ABCB8: variants seen among roughly 807,000 people sequenced by gnomAD.
ABCB8 encodes the protein mitochondrial potassium channel ATP-binding subunit.
Under a neutral mutation model 73.0 loss-of-function variants are expected in ABCB8, and 52 were observed. That is an observed-to-expected ratio of 0.71 (90% confidence interval 0.57 to 0.90). The LOEUF (loss-of-function observed/expected upper bound fraction) is 0.90, where lower values mean the gene tolerates loss of function less well. Among genes scored for constraint, ABCB8 ranks in the 40% least tolerant of loss-of-function variants. The pLI is 0.00. For synonymous variants in ABCB8, 428 were observed against 423.5 expected (o/e 1.01, Z -0.13); for missense variants, 909 against 974.6 (o/e 0.93, Z 0.90).
intron 1 of ABCB8, among the ~76,000 whole-genome samples, chr7:151,031,954 C>A (rs1796176363): frequency 6.6e-6 from 1 of 152,214 alleles, no homozygotes; most frequent in African/African-American, 2.4e-5. Flanking sequence ...CTTGGCACAT[C>A]TCGGCCTAAA....
At chr7:151,044,853 A>C (rs1160224767) in intron 15 of ABCB8, among the ~76,000 whole-genome samples, 1 of 152,220 alleles carries the variant, frequency 6.6e-6, no homozygotes, top group Non-Finnish European at 1.5e-5. Flanking sequence ...CTGTGCAGGG[A>C]GTCAGGAGTA....
At chr7:151,036,802 G>A (rs1796322560) in intron 9 of ABCB8, 153 bp downstream of exon 9, 3 of 782,270 alleles carry the variant, frequency 3.8e-6, no homozygotes, top group East Asian at 5.0e-5. Flanking sequence ...AGGGTGGGGA[G>A]AGAGAGCCCC....
chr7:151,037,209 C>T (rs1479506104), intron 9 of ABCB8: 1 of 702,930 alleles, frequency 1.4e-6, no homozygotes, highest in African/African-American at 1.7e-5. Flanking sequence ...CCTTTTGTGA[C>T]TGCGTTTTGT....
chr7:151,036,003 GCCC>G (rs980423131), intron 7 of ABCB8, 36 bp downstream of exon 7: 12 of 1,612,804 alleles, frequency 7.4e-6, no homozygotes, highest in Non-Finnish European at 1.0e-5. Flanking sequence ...AAGCAGAGAT[GCCC>G]CCCACACCCT....
chr7:151,036,581 T>A lies in ABCB8; in HGVS notation c.1149T>A (p.Leu383=). 6.2e-7 allele frequency: 1 copy of A among 1,614,002 alleles called. No individual in the cohort carries two copies. The highest frequency in any genetic ancestry group is 8.5e-7 in the Non-Finnish European group (1 of 1,179,914). The part of the protein sequence containing the change: ...VLGTLFIGGS[L]VAGQQLTGGD... ...GTACCCTATTTATTGGGGGCTCCCTTGTGGCCGGACAGCAGCTGACAGGGG... is the reference window on the plus strand; with the variant it reads ...GTACCCTATTTATTGGGGGCTCCCTAGTGGCCGGACAGCAGCTGACAGGGG... The change falls in exon 9 of 16, where the codon CTT becomes CTA. Residue 383 remains leucine (L), a synonymous_variant. Transcript: ENST00000358849.
At position 151,045,397 on chromosome 7, in the gene ABCB8, T is replaced by C. The variant is rs1796588532; in HGVS notation, c.*48T>C. ...CGCTGCCAAGCATCAGTGTTAGGGC[T>C]GGGGCTCAGCCTGGGGGAGCCTACT... On this transcript the variant is annotated 3_prime_UTR_variant, in exon 16 of 16. Transcript: ENST00000358849. 1 of 1,446,536 alleles carries C rather than the reference T, an allele frequency of 6.9e-7. No individual in the cohort carries two copies. The highest frequency in any genetic ancestry group is 9.1e-7 in the Non-Finnish European group (1 of 1,095,414). The allele number at this position is 1,446,536 out of a possible 1,614,324, so 89.6% of individuals were successfully genotyped here. A position where few individuals can be genotyped will look rare whatever the true frequency, so the allele number is the denominator to read the frequency against.
At chr7:151,028,747 C>G in intron 1 of ABCB8, 137 bp downstream of exon 1, 2 of 1,535,048 alleles carry the variant, frequency 1.3e-6, no homozygotes, top group Non-Finnish European at 1.7e-6. Flanking sequence ...GGTGGAATGT[C>G]ACTCCGCGGG....
At chr7:151,034,043 C>T in intron 2 of ABCB8, 126 bp downstream of exon 2, 1 of 1,276,020 alleles carries the variant, frequency 7.8e-7, no homozygotes, top group South Asian at 1.5e-5. Context: ...AGCCAGGGGT[C>T]CAGGGGTGCC....
At position 151,044,160 on chromosome 7, in the gene ABCB8, G is replaced by A. The variant is rs755235496; in HGVS notation, c.1955G>A (p.Arg652Gln). 4.5e-5 allele frequency: 73 copies of A among 1,612,520 alleles called. No homozygotes were observed. The highest frequency in any genetic ancestry group is 5.9e-5 in the Non-Finnish European group (69 of 1,178,818). ...AGRTVLVIAH[R>Q]LSTVRGAHCI... Reference sequence around the variant, plus strand: ...CGCACGGTGCTGGTAATTGCCCACCGGCTCAGCACTGTCCGTGGGGCCCAC... The same window carrying A: ...CGCACGGTGCTGGTAATTGCCCACCAGCTCAGCACTGTCCGTGGGGCCCAC... Residue 652 changes from arginine (R) to glutamine (Q), a missense_variant, in exon 15 of 16, where the codon CGG becomes CAG. Physicochemically the swap from Arg to Gln is conservative, Grantham distance 43 (BLOSUM62 1). Coordinates refer to ENST00000358849, the MANE Select transcript of ABCB8 (RefSeq NM_007188.5).
chr7:151,041,218 G>GCAGGTCCC lies in ABCB8; in HGVS notation c.1603_1604insCAGGTCCC (p.Gly535AlafsTer85). 1 of 1,601,942 alleles carries GCAGGTCCC rather than the reference G, an allele frequency of 6.2e-7. No individual in the cohort carries two copies. ...CTCCTGGCTCCGGGGCCAGGTTGTCGGCTTCATCAGCCAGGTGCGGGGCCA... is the reference window on the plus strand; with the variant it reads ...CTCCTGGCTCCGGGGCCAGGTTGTCGCAGGTCCCGCTTCATCAGCCAGGTGCGGGGCCA... On this transcript the variant is annotated frameshift_variant, in exon 13 of 16. Transcript: ENST00000358849. LOFTEE classifies it high-confidence loss of function.
chr7:151,031,497 C>G (rs988028357), intron 1 of ABCB8: 5 of 585,694 alleles, frequency 8.5e-6, no homozygotes, highest in Admixed American at 6.6e-5. Flanking sequence ...AAAGCTCACA[C>G]TACTCTTTTT....
Position 151,045,613 on chromosome 7 carries a change from A to C in ABCB8, c.*264A>C, listed in dbSNP as rs891506. On this transcript the variant is annotated 3_prime_UTR_variant, in exon 16 of 16. Coordinates refer to ENST00000358849, the MANE Select transcript of ABCB8 (RefSeq NM_007188.5). ...CTGCAATGGGCAGAGACAGAGTTCC[A>C]CGAGACACCTCCACTCTATTCTCCC... 0.66 allele frequency: 266,056 copies of C among 405,760 alleles called. 88,656 individuals carry two copies. Among genetic ancestry groups the C allele is most frequent in the African/African-American group, 0.83 (40,187 of 48,340 alleles). The allele number at this position is 405,760 out of a possible 1,614,324, so 25.1% of individuals were successfully genotyped here. A position where few individuals can be genotyped will look rare whatever the true frequency, so the allele number is the denominator to read the frequency against.
intron 14 of ABCB8, among the ~76,000 whole-genome samples, chr7:151,043,121 T>C (rs1286206968): frequency 1.3e-5 from 2 of 152,176 alleles, no homozygotes; most frequent in East Asian, 1.9e-4. Context: ...GAGCCCATGT[T>C]TGGGTGCTGG....
chr7:151,040,120 GC>G, intron 9 of ABCB8, 147 bp from the exon 10 acceptor site: 1 of 870,418 alleles, frequency 1.1e-6, no homozygotes, highest in South Asian at 1.7e-5. Context: ...ACGTCCCAGG[GC>G]TCTACGCCCC....
At chr7:151,038,736 G>A (rs1431238769) in intron 9 of ABCB8, 1 of 152,150 alleles carries the variant, frequency 6.6e-6, no homozygotes, top group Non-Finnish European at 1.5e-5. Context: ...AGAACCCCCA[G>A]GGGCTTGTCT....
Position 151,034,831 on chromosome 7 carries a change from TCAGTGGCC to T in ABCB8, c.765+12_765+19del, listed in dbSNP as rs781038451. The T allele has an allele frequency of 2.5e-6, 4 of 1,612,272 alleles. No homozygotes were observed. In the Middle Eastern group the frequency reaches 7.1e-4, roughly 285 times the overall value. ...TCCTTCAAGCTTGTCATCTCCCAGGTCAGTGGCCCAGTGGCCCCCACCACGTCCACACA... is the reference window on the plus strand; with the variant it reads ...TCCTTCAAGCTTGTCATCTCCCAGGTCAGTGGCCCCCACCACGTCCACACA... On this transcript the variant is annotated splice_donor_5th_base_variant and intron_variant, in intron 5 of 15. Coordinates refer to ENST00000358849, the MANE Select transcript of ABCB8 (RefSeq NM_007188.5).
chr7:151,041,574 C>T (rs75488358), intron 13 of ABCB8, among the ~76,000 whole-genome samples: 6,205 of 152,348 alleles, frequency 0.041, 160 homozygotes, highest in Non-Finnish European at 0.062. Context: ...TCTCCCTCTG[C>T]TTGAGGTGGC....
At position 151,033,843 on chromosome 7, in the gene ABCB8, G is replaced by T; in HGVS notation, c.334G>T (p.Gly112Trp). ...PPASSTPHVV[G>W]SRFNWKLFWQ... ...TGCCAGCTCCACACCCCATGTCGTG[G>T]GGTCTCGCTTTAACTGGAAGCTCTT... The change falls in exon 2 of 16, where the codon GGG becomes TGG. Residue 112 changes from glycine to tryptophan, a missense_variant. Transcript: ENST00000358849. 2.5e-6 allele frequency: 4 copies of T among 1,613,814 alleles called. No individual in the cohort carries two copies. The South Asian group carries it at 4.4e-5, about 18-fold the overall frequency.
intron 9 of ABCB8, chr7:151,037,394 C>G (rs1796339418): frequency 1.4e-6 from 1 of 698,948 alleles, no homozygotes; most frequent in East Asian, 2.7e-5. Context: ...CCCACACACC[C>G]CACCCTTATA....
Sources: gnomAD v4.1 joint callset for allele counts (sites outside exome capture counted in the v4.1 genomes callset) on GRCh38, gnomAD v4.1.1 for gene constraint, MANE v1.5 for transcripts, NCBI Gene and HGNC (gene_info 2026-07-23, HGNC 2026-07-21) for gene names.